The following PID1 variants were observed in gnomAD, a reference collection of about 807,000 sequenced individuals.
The protein encoded by PID1 is phosphotyrosine interaction domain containing 1, also known as PTB-containing, cubilin and LRP1-interacting protein.
In PID1, 10 loss-of-function variants were observed where a neutral mutation model predicts 19.1. That is an observed-to-expected ratio of 0.52 (90% confidence interval 0.32 to 0.89). PID1 has a LOEUF of 0.89. PID1 is among the 40% of genes least tolerant of loss of function. The pLI, the probability that PID1 is intolerant of heterozygous loss-of-function variation, is 0.03. For missense variants in PID1, 248 were observed against 285.3 expected (o/e 0.87, Z 0.94); for synonymous variants, 130 against 116.0 (o/e 1.12, Z -0.78).
At chr2:229,195,240 C>T (rs1691350093) in intron 1 of PID1, among the ~76,000 whole-genome samples, 2 of 151,672 alleles carry the variant, frequency 1.3e-5, no homozygotes, top group African/African-American at 2.4e-5. Context: ...TCCCCTCTAC[C>T]CTTCTGCCCT....
At chr2:229,093,135 T>C (rs1694907163) in intron 2 of PID1, among the ~76,000 whole-genome samples, 1 of 20,940 alleles carries the variant, frequency 4.8e-5, no homozygotes, top group African/African-American at 7.9e-5. Context: ...TCTTTTTCTT[T>C]TTCTTTTTTT....
At chr2:229,118,989 T>G (rs1695465858) in intron 2 of PID1, among the ~76,000 whole-genome samples, 1 of 152,246 alleles carries the variant, frequency 6.6e-6, no homozygotes, top group African/African-American at 2.4e-5. Flanking sequence ...AGGCTATTCC[T>G]CAAATTGCCT....
intron 2 of PID1, among the ~76,000 whole-genome samples, chr2:229,148,787 GGAGA>G (rs764550620): frequency 7.9e-4 from 120 of 151,094 alleles, no homozygotes; most frequent in Non-Finnish European, 1.4e-3. Flanking sequence ...AAGAAGGAAG[GGAGA>G]GAGAGAGGAA....
chr2:229,099,085 C>G (rs916171764), intron 2 of PID1, among the ~76,000 whole-genome samples: 8 of 152,200 alleles, frequency 5.3e-5, no homozygotes, highest in African/African-American at 1.9e-4. Context: ...AGAACCAGAA[C>G]TCTTTCCCAA....
At chr2:229,222,238 A>T (rs1691985812) in intron 1 of PID1, among the ~76,000 whole-genome samples, 1 of 152,088 alleles carries the variant, frequency 6.6e-6, no homozygotes, top group South Asian at 2.1e-4. Context: ...CTTACCCTGA[A>T]TCACATGCCA....
intron 2 of PID1, among the ~76,000 whole-genome samples, chr2:229,049,502 G>A (rs1438143021): frequency 6.6e-6 from 1 of 152,112 alleles, no homozygotes; most frequent in Non-Finnish European, 1.5e-5. Context: ...GAAATGCAAG[G>A]CAATTCTAGA....
At chr2:229,064,532 T>C (rs982915759) in intron 2 of PID1, among the ~76,000 whole-genome samples, 2 of 152,180 alleles carry the variant, frequency 1.3e-5, no homozygotes, top group Admixed American at 1.3e-4. Context: ...ACAGTAAGCA[T>C]TGAACTTTCT....
At chr2:229,035,564 G>T (rs1693647433) in intron 2 of PID1, among the ~76,000 whole-genome samples, 1 of 150,118 alleles carries the variant, frequency 6.7e-6, no homozygotes, top group Non-Finnish European at 1.5e-5. Context: ...CCACTCCTTT[G>T]TTGCAAATGC....
At chr2:229,071,085 T>A (rs1434068083) in intron 2 of PID1, among the ~76,000 whole-genome samples, 1 of 117,104 alleles carries the variant, frequency 8.5e-6, no homozygotes, top group African/African-American at 4.0e-5. Context: ...AGCAAATGAA[T>A]GTTACTTGAT....
intron 2 of PID1, among the ~76,000 whole-genome samples, chr2:229,104,435 T>G (rs1322926122): frequency 6.6e-6 from 1 of 152,250 alleles, no homozygotes; most frequent in Non-Finnish European, 1.5e-5. Context: ...AATAACCAAC[T>G]ATATGTTTTA....
At chr2:229,049,003 AAAG>A (rs1450007700) in intron 2 of PID1, among the ~76,000 whole-genome samples, 1 of 152,210 alleles carries the variant, frequency 6.6e-6, no homozygotes, top group Non-Finnish European at 1.5e-5. Context: ...TAGCAATGCA[AAAG>A]AAGAGAGGAG....
chr2:229,031,202 C>T (rs1230521058), intron 2 of PID1, among the ~76,000 whole-genome samples: 5 of 86,816 alleles, frequency 5.8e-5, no homozygotes, highest in Non-Finnish European at 1.1e-4. Context: ...GGCAGCATAA[C>T]GAGACTCTGT....
At chr2:229,231,249 T>C (rs1692199718) in intron 1 of PID1, among the ~76,000 whole-genome samples, 3 of 151,882 alleles carry the variant, frequency 2.0e-5, no homozygotes, top group Admixed American at 1.3e-4. Context: ...CAGGTGCAGA[T>C]TAGGTCTAGT....
At chr2:229,202,069 AT>A (rs944693278) in intron 1 of PID1, among the ~76,000 whole-genome samples, 22 of 152,050 alleles carry the variant, frequency 1.4e-4, no homozygotes, top group African/African-American at 2.2e-4. Context: ...TTTTTAAAAT[AT>A]TTTTTTAAAG....
intron 2 of PID1, among the ~76,000 whole-genome samples, chr2:229,059,446 CAT>C (rs891496710): frequency 5.3e-5 from 8 of 152,204 alleles, no homozygotes; most frequent in African/African-American, 1.9e-4. Context: ...CATATAATCT[CAT>C]GTGTATATGT....
At chr2:229,127,008 GC>G (rs1203644038) in intron 2 of PID1, among the ~76,000 whole-genome samples, 3 of 152,198 alleles carry the variant, frequency 2.0e-5, no homozygotes, top group Non-Finnish European at 4.4e-5. Flanking sequence ...AGTCCTCAAA[GC>G]CCTGTCTATT....
At chr2:229,270,953 G>T (rs1046761315) in intron 1 of PID1, 61 bp downstream of exon 1, 1 of 1,454,458 alleles carries the variant, frequency 6.9e-7, no homozygotes, top group Non-Finnish European at 9.2e-7. Context: ...GCAAAAACTA[G>T]GTTCCTCTGC....
rs1473213001 is a variant in PID1 at position 229,180,861 on chromosome 2, G to C, written c.31-24897C>G. On this transcript the variant is annotated intron_variant, in intron 1 of 2. Coordinates refer to ENST00000392055, the MANE Select transcript of PID1 (RefSeq NM_001100818.2). The stretch of plus-strand genomic sequence containing the variant: ...AAGGGAGGCCATTGCCTGTCCCTTC[G>C]GAACGGCGCTCGCCCATCTCTCAGG... Among the ~76,000 whole-genome samples the C allele has an allele frequency of 2.6e-5, 4 of 152,160 alleles. No individual in the cohort carries two copies. In the East Asian group the frequency reaches 7.7e-4, roughly 29 times the overall value.
At chr2:229,078,686 A>G (rs1206887345) in intron 2 of PID1, among the ~76,000 whole-genome samples, 3 of 152,008 alleles carry the variant, frequency 2.0e-5, no homozygotes, top group Non-Finnish European at 4.4e-5. Context: ...TGTTTATGTG[A>G]TGGATTATGT....
Sources: allele counts gnomAD v4.1 joint callset (sites outside exome capture counted in the v4.1 genomes callset), GRCh38; gene constraint gnomAD v4.1.1; transcripts MANE v1.5; gene names NCBI Gene and HGNC (gene_info 2026-07-23, HGNC 2026-07-21).